The following SLC2A11 variants were observed in gnomAD, a reference collection of about 807,000 sequenced individuals.
SLC2A11 encodes the protein solute carrier family 2, facilitated glucose transporter member 11.
In SLC2A11, 43 loss-of-function variants were observed where a neutral mutation model predicts 52.1. That is an observed-to-expected ratio of 0.82 (90% CI 0.65 to 1.06). The LOEUF is 1.06. Ranked by LOEUF, SLC2A11 falls within the 50% of genes least tolerant of loss-of-function variation. SLC2A11 has a pLI of 0.00. For missense variants in SLC2A11, 582 were observed against 654.2 expected, an observed-to-expected ratio of 0.89 and a Z score of 1.20; for synonymous variants, 261 against 277.6, an observed-to-expected ratio of 0.94 and a Z score of 0.59.
rs1291002334 is a variant in SLC2A11, at chr22:23,884,534, A to G, written c.1299+105A>G. 2 of 1,540,514 alleles carry G rather than the reference A, an allele frequency of 1.3e-6. No individual in the cohort carries two copies. The highest frequency in any genetic ancestry group is 1.8e-6 in the Non-Finnish European group (2 of 1,142,704). On this transcript the variant is annotated intron_variant, in intron 11 of 11. Transcript: ENST00000316185. This position sits in a 1 kb window ranked among gnomAD's most constrained non-coding sequence, Gnocchi z 4.3. Reference sequence around the variant, plus strand: ...TCCAGGGAGACTGAGACTGAAAGGGAGGGGTCTTAGGGGAGCAAAGAGGGG... The same window carrying G: ...TCCAGGGAGACTGAGACTGAAAGGGGGGGGTCTTAGGGGAGCAAAGAGGGG...
intron 2 of SLC2A11, 73 bp from the exon 3 acceptor site, chr22:23,868,408 G>A (rs971977078): frequency 1.3e-6 from 2 of 1,565,170 alleles, no homozygotes; most frequent in African/African-American, 1.3e-5. Context: ...AGCCCTGTTG[G>A]GGAGAAGGCT....
intron 3 of SLC2A11, chr22:23,869,866 G>A: frequency 1.6e-6 from 1 of 623,704 alleles, no homozygotes; most frequent in South Asian, 1.9e-5. Context: ...ATGGCAGAAA[G>A]GGCGAATGCT....
At chr22:23,861,328 T>TAAAAAAA (rs1568983738) in intron 1 of SLC2A11, among the ~76,000 whole-genome samples, 1 of 35,044 alleles carries the variant, frequency 2.9e-5, no homozygotes, top group African/African-American at 1.1e-4. Context: ...AAATCCCAAC[T>TAAAAAAA]ATCCCAACTA....
At chr22:23,861,965 T>C in intron 1 of SLC2A11, 139 bp from the exon 2 acceptor site, 1 of 739,682 alleles carries the variant, frequency 1.4e-6, no homozygotes, top group African/African-American at 1.7e-5. Flanking sequence ...CTCCTCTCTG[T>C]GCCTCACTTT....
intron 3 of SLC2A11, chr22:23,873,024 C>T (rs941426935): frequency 2.6e-5 from 4 of 152,148 alleles, no homozygotes; most frequent in Non-Finnish European, 5.9e-5. Context: ...GCTGCTATAT[C>T]CTTTTTATTT....
At chr22:23,869,976 G>A in intron 3 of SLC2A11, 1 of 717,440 alleles carries the variant, frequency 1.4e-6, no homozygotes, top group Non-Finnish European at 2.6e-6. Flanking sequence ...CAATGAAGGT[G>A]GAGTTCTCAT....
chr22:23,863,108 C>G (rs2032131760), intron 2 of SLC2A11, among the ~76,000 whole-genome samples: 1 of 152,244 alleles, frequency 6.6e-6, no homozygotes, highest in South Asian at 2.1e-4. Flanking sequence ...GCTCCCCCAA[C>G]CCTGATACCA....
At chr22:23,883,661 A>G (rs2032903466) in intron 8 of SLC2A11, 111 bp from the exon 9 acceptor site, 1 of 862,352 alleles carries the variant, frequency 1.2e-6, no homozygotes. Context: ...TGAAGCAATA[A>G]ACTACCCTCA....
intron 1 of SLC2A11, among the ~76,000 whole-genome samples, chr22:23,859,152 G>A (rs1025518407): frequency 6.6e-6 from 1 of 152,240 alleles, no homozygotes; most frequent in African/African-American, 2.4e-5. Context: ...CACATCTGCT[G>A]TCTTAAGGGA....
chr22:23,877,919 T>C (rs1189258428), intron 6 of SLC2A11, 50 bp downstream of exon 6: 2 of 1,569,818 alleles, frequency 1.3e-6, no homozygotes, highest in Non-Finnish European at 1.7e-6. Flanking sequence ...AAGGGATGCA[T>C]CTCCCCAGAG....
chr22:23,878,263 A>G (rs1679343751), intron 6 of SLC2A11, among the ~76,000 whole-genome samples: 1 of 151,864 alleles, frequency 6.6e-6, no homozygotes, highest in South Asian at 2.1e-4. Context: ...CTTTAAAGCA[A>G]CAATTATTTA....
chr22:23,878,102 C>T (rs2032683740), intron 6 of SLC2A11, among the ~76,000 whole-genome samples: 1 of 152,224 alleles, frequency 6.6e-6, no homozygotes, highest in Non-Finnish European at 1.5e-5. Flanking sequence ...CTCAAGAACT[C>T]CAGAGCGGTG....
chr22:23,870,225 C>A, intron 3 of SLC2A11: 2 of 578,776 alleles, frequency 3.5e-6, no homozygotes, highest in Non-Finnish European at 6.1e-6. Flanking sequence ...GCGGCTATCT[C>A]ATGATACCTG....
intron 3 of SLC2A11, chr22:23,870,332 GAC>G (rs374668857): frequency 5.2e-4 from 200 of 386,582 alleles, no homozygotes; most frequent in East Asian, 4.8e-3. Flanking sequence ...CCCTCCCCAG[GAC>G]AGGGGGATGT....
intron 1 of SLC2A11, among the ~76,000 whole-genome samples, chr22:23,858,536 C>T (rs1601480931): frequency 6.6e-6 from 1 of 152,180 alleles, no homozygotes. Context: ...ATGGCACATT[C>T]CCTCACCTCC....
upstream of SLC2A11, chr22:23,857,279 G>C (rs868285204): frequency 1.5e-4 from 120 of 795,426 alleles, no homozygotes; most frequent in Middle Eastern, 5.0e-3. Context: ...TGTAGCAAAG[G>C]AGGGGGACGA....
intron 1 of SLC2A11, among the ~76,000 whole-genome samples, chr22:23,858,397 C>G (rs866753358): frequency 5.1e-4 from 77 of 152,188 alleles, no homozygotes; most frequent in African/African-American, 1.6e-3. Context: ...CCTCATGCTC[C>G]CTCAGCTCTG....
At chr22:23,870,171 A>C (rs1170531319) in intron 3 of SLC2A11, 1 of 622,166 alleles carries the variant, frequency 1.6e-6, no homozygotes, top group Non-Finnish European at 2.9e-6. Context: ...CGCAAACAAA[A>C]GTGGGGCTCT....
At chr22:23,875,671 C>T (rs960465223) in intron 4 of SLC2A11, among the ~76,000 whole-genome samples, 1 of 152,158 alleles carries the variant, frequency 6.6e-6, no homozygotes, top group Non-Finnish European at 1.5e-5. Context: ...AGCACATCCA[C>T]CTGGGTTTTT....
Sources: gnomAD v4.1 joint callset for allele counts (sites outside exome capture counted in the v4.1 genomes callset) on GRCh38, gnomAD v4.1.1 for gene constraint, Gnocchi (gnomAD v3.1) non-coding constraint, MANE v1.5 for transcripts, NCBI Gene and HGNC (gene_info 2026-07-23, HGNC 2026-07-21) for gene names.